Variants in GABRB1 observed in about 807,000 individuals in gnomAD.
GABRB1 encodes gamma-aminobutyric acid receptor subunit beta-1.
GABRB1 carries 17 observed loss-of-function variants against 51.6 expected under a neutral mutation model. That is an observed-to-expected ratio of 0.33 (90% confidence interval 0.23 to 0.49). The LOEUF (loss-of-function observed/expected upper bound fraction) is 0.49, where lower values mean the gene tolerates loss of function less well. Ranked by LOEUF, GABRB1 falls within the 20% of genes least tolerant of loss-of-function variation. GABRB1 has a pLI of 0.99. For missense variants in GABRB1, 410 were observed against 600.6 expected (o/e 0.68, Z 3.32); for synonymous variants, 247 against 218.9 (o/e 1.13, Z -1.14).
chr4:47,274,270 C>T (rs1722988219), intron 4 of GABRB1, among the ~76,000 whole-genome samples: 1 of 152,066 alleles, frequency 6.6e-6, no homozygotes, highest in Non-Finnish European at 1.5e-5. Flanking sequence ...CAATAATGTA[C>T]ATAAAATGTT....
intron 3 of GABRB1, among the ~76,000 whole-genome samples, chr4:47,044,936 A>G (rs1247032156): frequency 2.0e-5 from 3 of 152,044 alleles, no homozygotes; most frequent in Non-Finnish European, 4.4e-5. Flanking sequence ...CTCAAACTTA[A>G]ACAAAATTTC....
chr4:47,153,539 A>T (rs1395479613), intron 3 of GABRB1, among the ~76,000 whole-genome samples: 2 of 152,072 alleles, frequency 1.3e-5, no homozygotes, highest in Non-Finnish European at 2.9e-5. Flanking sequence ...TAGATTAAGA[A>T]TGCTAAAACT....
intron 4 of GABRB1, among the ~76,000 whole-genome samples, chr4:47,232,906 A>G (rs937017543): frequency 5.7e-5 from 8 of 141,314 alleles, no homozygotes; most frequent in Non-Finnish European, 1.5e-5. Flanking sequence ...GCGTAGTCTC[A>G]CTCTGTCACC....
intron 5 of GABRB1, among the ~76,000 whole-genome samples, chr4:47,393,913 C>A (rs752716831): frequency 1.1e-4 from 16 of 152,206 alleles, no homozygotes; most frequent in Admixed American, 6.5e-5. Flanking sequence ...TGTATTGCAA[C>A]GTCAAGTATA....
At chr4:47,406,614 C>A (rs1381570957) in intron 7 of GABRB1, 68 bp from the exon 8 acceptor site, 20 of 1,592,798 alleles carry the variant, frequency 1.3e-5, no homozygotes, top group Non-Finnish European at 1.5e-5. Flanking sequence ...TGGCATCTGT[C>A]CTCTCAATCT....
intron 3 of GABRB1, among the ~76,000 whole-genome samples, chr4:47,083,035 A>G (rs1000108223): frequency 6.6e-6 from 1 of 152,168 alleles, no homozygotes; most frequent in Non-Finnish European, 1.5e-5. Context: ...CTCCTCTGCT[A>G]AAGTGCTACA....
intron 4 of GABRB1, among the ~76,000 whole-genome samples, chr4:47,223,591 A>T (rs532660856): frequency 6.6e-6 from 1 of 152,070 alleles, no homozygotes. Context: ...AGAAAGTGTT[A>T]TTAAGATAAT....
chr4:47,123,318 TATATATATTAGATAATATTATATA>T (rs1222787425), intron 3 of GABRB1, among the ~76,000 whole-genome samples: 1 of 136,466 alleles, frequency 7.3e-6, no homozygotes, highest in Non-Finnish European at 1.5e-5. Flanking sequence ...TATATAATAT[TATATATATTAGATAATATTATATA>T]ATATATATTA....
intron 4 of GABRB1, among the ~76,000 whole-genome samples, chr4:47,235,274 A>G (rs1271615356): frequency 6.6e-6 from 1 of 152,112 alleles, no homozygotes. Flanking sequence ...CTAGGTTCCC[A>G]GGCGCGGTGG....
intron 5 of GABRB1, among the ~76,000 whole-genome samples, chr4:47,355,043 T>A (rs536586308): frequency 3.6e-5 from 5 of 140,178 alleles, no homozygotes; most frequent in African/African-American, 1.4e-4. Flanking sequence ...TGGAGTGCAG[T>A]GGCGCGATCT....
chr4:47,337,759 G>A (rs1436840697), intron 5 of GABRB1, among the ~76,000 whole-genome samples: 3 of 138,758 alleles, frequency 2.2e-5, no homozygotes, highest in Non-Finnish European at 4.5e-5. Context: ...TCAGTGAGCC[G>A]ACATCATGCC....
chr4:47,388,073 A>T (rs987853830), intron 5 of GABRB1, among the ~76,000 whole-genome samples: 1 of 152,240 alleles, frequency 6.6e-6, no homozygotes, highest in African/African-American at 2.4e-5. Flanking sequence ...AAGTGTCTAC[A>T]TCTACAAATT....
chr4:47,219,451 A>G (rs566741626), intron 4 of GABRB1, among the ~76,000 whole-genome samples: 38 of 152,010 alleles, frequency 2.5e-4, no homozygotes, highest in African/African-American at 8.9e-4. Context: ...ATTATTTTGT[A>G]TTCTTCTAAC....
intron 4 of GABRB1, among the ~76,000 whole-genome samples, chr4:47,294,600 G>A (rs112371164): frequency 0.029 from 4,454 of 152,330 alleles, 78 homozygotes; most frequent in African/African-American, 0.05. Context: ...CAAAGCAGCC[G>A]GGAAGCTCGA....
At chr4:47,416,451 T>C (rs898961967) in intron 8 of GABRB1, among the ~76,000 whole-genome samples, 3 of 151,724 alleles carry the variant, frequency 2.0e-5, no homozygotes, top group Admixed American at 1.3e-4. Flanking sequence ...TCATTTGTTT[T>C]ACTTTTTTTT....
At chr4:47,073,495 G>A (rs1171671918) in intron 3 of GABRB1, among the ~76,000 whole-genome samples, 9 of 152,098 alleles carry the variant, frequency 5.9e-5, no homozygotes, top group African/African-American at 2.2e-4. Flanking sequence ...GGTATACATG[G>A]AAAAGTGAGT....
intron 4 of GABRB1, among the ~76,000 whole-genome samples, chr4:47,308,678 AG>A (rs1225818685): frequency 6.6e-6 from 1 of 152,116 alleles, no homozygotes; most frequent in Non-Finnish European, 1.5e-5. Flanking sequence ...TAAACCAAAA[AG>A]GTAGTAACTG....
intron 4 of GABRB1, among the ~76,000 whole-genome samples, chr4:47,279,239 T>C (rs1363678131): frequency 6.6e-6 from 1 of 152,086 alleles, no homozygotes; most frequent in African/African-American, 2.4e-5. Context: ...TGGTCCAAGT[T>C]CCATAGTTTA....
At chr4:47,191,143 C>T (rs1719426926) in intron 4 of GABRB1, among the ~76,000 whole-genome samples, 1 of 152,120 alleles carries the variant, frequency 6.6e-6, no homozygotes, top group Non-Finnish European at 1.5e-5. Context: ...AGAGAATCAG[C>T]AGAGTATTGA....
Sources: allele counts gnomAD v4.1 joint callset (sites outside exome capture counted in the v4.1 genomes callset), GRCh38; gene constraint gnomAD v4.1.1; transcripts MANE v1.5; gene names NCBI Gene and HGNC (gene_info 2026-07-23, HGNC 2026-07-21).